Variants in PCSK2 observed in about 807,000 individuals in gnomAD.
PCSK2 encodes the protein neuroendocrine convertase 2.
PCSK2 carries 14 observed loss-of-function variants against 69.7 expected under a neutral mutation model. The ratio of observed to expected loss-of-function variants is 0.20; its 90% CI spans 0.13 to 0.31. The LOEUF (loss-of-function observed/expected upper bound fraction) is 0.31. PCSK2 is among the 10% of genes least tolerant of loss of function. The probability of loss-of-function intolerance (pLI) is 1.00; values close to 1 mark genes in which losing one functional copy is unlikely to be tolerated. For missense variants in PCSK2, 544 were observed against 842.5 expected, an observed-to-expected ratio of 0.65 and a Z score of 4.39; for synonymous variants, 307 against 320.7, an observed-to-expected ratio of 0.96 and a Z score of 0.46.
intron 8 of PCSK2, among the ~76,000 whole-genome samples, chr20:17,446,623 G>A (rs2032703528): frequency 6.6e-6 from 1 of 152,160 alleles, no homozygotes; most frequent in African/African-American, 2.4e-5. Flanking sequence ...GACCTAGTGA[G>A]GACAAATGTG....
chr20:17,450,053 G>A (rs555902465), intron 8 of PCSK2, among the ~76,000 whole-genome samples: 2 of 76,344 alleles, frequency 2.6e-5, no homozygotes, highest in Non-Finnish European at 5.2e-5. Flanking sequence ...TTTTTGTGAC[G>A]GAGTCTCACT....
At chr20:17,352,758 C>G (rs6034801) in intron 2 of PCSK2, among the ~76,000 whole-genome samples, 1 of 152,058 alleles carries the variant, frequency 6.6e-6, no homozygotes, top group African/African-American at 2.4e-5. Flanking sequence ...AGAAGAAAAC[C>G]TAGGAAATGC....
chr20:17,429,558 G>A (rs770013116), intron 7 of PCSK2, 35 bp downstream of exon 7: 4 of 1,361,516 alleles, frequency 2.9e-6, no homozygotes, highest in Admixed American at 1.7e-5. Context: ...GCCCCCACTA[G>A]GTATCACACT....
intron 2 of PCSK2, among the ~76,000 whole-genome samples, chr20:17,267,933 T>A (rs1333085749): frequency 6.6e-6 from 1 of 151,392 alleles, no homozygotes; most frequent in Non-Finnish European, 1.5e-5. Flanking sequence ...TGGGAAAATC[T>A]TAGATGTTTG....
intron 2 of PCSK2, among the ~76,000 whole-genome samples, chr20:17,355,676 G>C (rs6075197): frequency 0.68 from 96,432 of 142,322 alleles, 31,351 homozygotes; most frequent in Admixed American, 0.72. Flanking sequence ...CACACACACA[G>C]AGAGAGAGCT....
intron 5 of PCSK2, among the ~76,000 whole-genome samples, chr20:17,381,857 T>C (rs1309070902): frequency 1.3e-5 from 2 of 152,176 alleles, no homozygotes; most frequent in Admixed American, 1.3e-4. Flanking sequence ...AAGGAGCCAG[T>C]CCCTGTGTAG....
At chr20:17,400,607 A>T (rs901333916) in intron 5 of PCSK2, among the ~76,000 whole-genome samples, 4 of 152,224 alleles carry the variant, frequency 2.6e-5, no homozygotes, top group Non-Finnish European at 4.4e-5. Flanking sequence ...TACTAATTTT[A>T]ATTACAAAAT....
chr20:17,422,403 A>G (rs1002803090), intron 6 of PCSK2, among the ~76,000 whole-genome samples: 2 of 152,228 alleles, frequency 1.3e-5, no homozygotes, highest in Admixed American at 6.5e-5. Flanking sequence ...TAAAATTTAC[A>G]AAAGAATAAA....
rs2123351419 is a variant in PCSK2, at chr20:17,436,839, C to A, written c.841C>A (p.Pro281Thr). Residue 281 changes from proline (P) to threonine (T), a missense_variant, in exon 8 of 12, where the codon CCC becomes ACC. Pro to Thr is a conservative substitution (Grantham distance 38, BLOSUM62 -1). Transcript: ENST00000262545. ...AGACAACGGCAAGACAGTGGATGGGCCCCGGGAGCTCACGCTGCAGGCCAT... is the reference window on the plus strand; with the variant it reads ...AGACAACGGCAAGACAGTGGATGGGACCCGGGAGCTCACGCTGCAGGCCAT... ...PTDNGKTVDG[P>T]RELTLQAMAD... The A allele has an allele frequency of 6.2e-7, 1 of 1,613,774 alleles. No homozygotes were observed. Among genetic ancestry groups the A allele is most frequent in the Non-Finnish European group, 8.5e-7 (1 of 1,179,980 alleles).
rs150860647 is a variant in PCSK2, at chr20:17,335,284, T to C, written c.283-23043T>C. 7.4e-4 allele frequency among the ~76,000 whole-genome samples: 112 copies of C among 152,290 alleles called. 1 individual carries two copies. The East Asian group carries it at 0.018, about 24-fold the overall frequency. On this transcript the variant is annotated intron_variant, in intron 2 of 11. Coordinates refer to ENST00000262545, the MANE Select transcript of PCSK2 (RefSeq NM_002594.5). ...TGGGAGCCCAGCTGAGGATCAACCA[T>C]AGGACCAAAGCTCAGCCTCTCCAGG...
Position 17,482,214 on chromosome 20 carries a change from G to T in PCSK2, c.*144G>T. 2.8e-6 allele frequency: 2 copies of T among 714,146 alleles called. No homozygotes were observed. Among genetic ancestry groups the T allele is most frequent in the Non-Finnish European group, 4.4e-6 (2 of 455,370 alleles). 44.2% of individuals were successfully genotyped at this position (714,146 alleles called of 1,614,324 possible). On this transcript the variant is annotated 3_prime_UTR_variant, in exon 12 of 12. Transcript: ENST00000262545. Reference sequence around the variant, plus strand: ...ATCTGAAGCTTCACTCACTGTCAATGATTATTTTCATTACAATGGAAACAA... The same window carrying T: ...ATCTGAAGCTTCACTCACTGTCAATTATTATTTTCATTACAATGGAAACAA...
At chr20:17,325,343 A>G (rs1424552239) in intron 2 of PCSK2, among the ~76,000 whole-genome samples, 1 of 152,178 alleles carries the variant, frequency 6.6e-6, no homozygotes, top group African/African-American at 2.4e-5. Context: ...ATCACTACAC[A>G]GTTTGTAAAT....
chr20:17,313,310 G>T (rs78794157), intron 2 of PCSK2, among the ~76,000 whole-genome samples: 1 of 151,960 alleles, frequency 6.6e-6, no homozygotes, highest in African/African-American at 2.4e-5. Context: ...GGAGCTGACG[G>T]TCTAGCTCCT....
intron 2 of PCSK2, among the ~76,000 whole-genome samples, chr20:17,324,946 C>T (rs1335703291): frequency 2.6e-5 from 4 of 152,140 alleles, no homozygotes; most frequent in Non-Finnish European, 5.9e-5. Context: ...TGTGCAGTGT[C>T]GCGAGGCCAC....
At chr20:17,417,923 TAAC>T (rs1452576277) in intron 6 of PCSK2, among the ~76,000 whole-genome samples, 1 of 152,178 alleles carries the variant, frequency 6.6e-6, no homozygotes, top group African/African-American at 2.4e-5. Context: ...TTTTTTCTAA[TAAC>T]AAGAAGTAAA....
rs74561812 is a variant in PCSK2 at position 17,417,415 on chromosome 20, C to T, written c.620+8076C>T. 4.3e-3 allele frequency among the ~76,000 whole-genome samples: 660 copies of T among 152,278 alleles called. 4 individuals are homozygous for T. Among genetic ancestry groups the T allele is most frequent in the African/African-American group, 0.014 (586 of 41,550 alleles). ...GCATGATCCCCATGCCTTAGGGAGC[C>T]AATGATTAAGACAGAGTGTCCACTT... On this transcript the variant is annotated intron_variant, in intron 6 of 11. Transcript: ENST00000262545.
chr20:17,436,680 T>A (rs752157863), intron 7 of PCSK2, 28 bp from the exon 8 acceptor site: 1 of 1,588,908 alleles, frequency 6.3e-7, no homozygotes, highest in Non-Finnish European at 8.6e-7. Flanking sequence ...AACCCAAACA[T>A]GGTGTCCTCT....
intron 2 of PCSK2, among the ~76,000 whole-genome samples, chr20:17,326,388 T>C (rs558878700): frequency 2.0e-4 from 30 of 152,266 alleles, no homozygotes; most frequent in African/African-American, 5.8e-4. Context: ...GGAACTATGA[T>C]GAATAAAAGT....
chr20:17,348,042 GAAAGAAAGGAAA>G (rs1990735783), intron 2 of PCSK2, among the ~76,000 whole-genome samples: 1 of 45,182 alleles, frequency 2.2e-5, no homozygotes, highest in Non-Finnish European at 5.2e-5. Flanking sequence ...AAGAAAGAAA[GAAAGAAAGGAAA>G]GAAAGAAAGA....
Sources: gnomAD v4.1 joint callset for allele counts (sites outside exome capture counted in the v4.1 genomes callset) on GRCh38, gnomAD v4.1.1 for gene constraint, MANE v1.5 for transcripts, NCBI Gene and HGNC (gene_info 2026-07-23, HGNC 2026-07-21) for gene names.